Variants in C3 observed in about 807,000 individuals in gnomAD.
C3 encodes complement C3.
A neutral mutation model predicts 207.9 loss-of-function variants in C3; 97 were observed. The observed-to-expected ratio is 0.47, with a 90% CI of 0.40 to 0.55. C3 has a LOEUF of 0.55. Ranked by LOEUF, C3 falls within the 20% of genes least tolerant of loss-of-function variation. The pLI, the probability that C3 is intolerant of heterozygous loss-of-function variation, is 0.00. For synonymous variants in C3, 848 were observed against 857.6 expected (o/e 0.99, Z 0.20); for missense variants, 1,684 against 2,171.7 (o/e 0.78, Z 4.46).
At chr19:6,679,098 C>T (rs746452478) in intron 38 of C3, 27 bp downstream of exon 38, 3 of 1,557,680 alleles carry the variant, frequency 1.9e-6, no homozygotes, top group Admixed American at 1.7e-5. Context: ...GCTAAACATG[C>T]GTGACCCCCA....
intron 17 of C3, among the ~76,000 whole-genome samples, chr19:6,704,988 C>T (rs1481173844): frequency 6.6e-6 from 1 of 152,154 alleles, no homozygotes; most frequent in Non-Finnish European, 1.5e-5. Context: ...ATCCCGCTGC[C>T]TCAGCCTCCC....
In C3 at chr19:6,677,840, T is replaced by G. The variant is rs1222767446; in HGVS notation, c.*42A>C. The stretch of plus-strand genomic sequence containing the variant: ...GGCAAAGAACTCCAGACACGTGAGA[T>G]ATAACTGAAGCTTTATCTGGAGTGG... On this transcript the variant is annotated 3_prime_UTR_variant, in exon 41 of 41. Transcript: ENST00000245907. The G allele has an allele frequency of 3.1e-6, 5 of 1,612,274 alleles. No homozygotes were observed. The South Asian group carries it at 3.3e-5, about 11-fold the overall frequency.
intron 40 of C3, 37 bp downstream of exon 40, chr19:6,678,114 GT>G: frequency 1.9e-6 from 3 of 1,614,118 alleles, no homozygotes; most frequent in Non-Finnish European, 2.5e-6. Flanking sequence ...GGGCGGGGCA[GT>G]CGGGCGGTCG....
rs1918141381 is a variant in C3 at position 6,690,621 on chromosome 19, G to A, written c.3489+8C>T. 3.1e-6 allele frequency: 5 copies of A among 1,609,270 alleles called. No individual in the cohort carries two copies. The East Asian group carries it at 6.7e-5, about 22-fold the overall frequency. ...GTAGGGTAGGGTGGGAAGATGGAGG[G>A]CACTTACGTTGACCTGCTCCTCGCA... On this transcript the variant is annotated splice_region_variant and intron_variant, in intron 27 of 40. Transcript: ENST00000245907.
At chr19:6,709,611 T>TACCCCCCC in intron 14 of C3, 73 bp downstream of exon 14, 1 of 1,109,446 alleles carries the variant, frequency 9.0e-7, no homozygotes, top group Non-Finnish European at 1.4e-6. Context: ...CCCTCTCCAG[T>TACCCCCCC]CCCACCCACC....
chr19:6,681,367 T>C (rs1260790456), intron 35 of C3, among the ~76,000 whole-genome samples: 1 of 114,590 alleles, frequency 8.7e-6, no homozygotes, highest in Non-Finnish European at 1.8e-5. Context: ...AAAAGCTGGG[T>C]ACAAAAGCAT....
chr19:6,681,413 T>C (rs1013404735), intron 35 of C3, among the ~76,000 whole-genome samples: 4 of 148,962 alleles, frequency 2.7e-5, no homozygotes, highest in Non-Finnish European at 4.4e-5. Context: ...GGGTGCAGTG[T>C]CGCAGGCCTG....
chr19:6,714,732 G>A (rs1967997054), intron 4 of C3, among the ~76,000 whole-genome samples: 1 of 152,296 alleles, frequency 6.6e-6, no homozygotes, highest in East Asian at 1.9e-4. Flanking sequence ...CATGGTGGTA[G>A]GCACCCGTAA....
chr19:6,694,383 C>A (rs376178669), intron 24 of C3, 48 bp downstream of exon 24: 6 of 1,549,790 alleles, frequency 3.9e-6, no homozygotes, highest in Non-Finnish European at 5.3e-6. Flanking sequence ...GGGAGGGATG[C>A]GCTCGGAAAG....
Position 6,718,339 on chromosome 19 carries a change from G to A in C3, c.341C>T (p.Thr114Ile), listed in dbSNP as rs552130054. The change falls in exon 3 of 41, where the codon ACC becomes ATC. Residue 114 changes from threonine (T) to isoleucine (I), a missense_variant. Coordinates refer to ENST00000245907, the MANE Select transcript of C3 (RefSeq NM_000064.4). ...CAGCACCACCTTCTCCACCACTTGG[G>A]TCCCGAAGGTGGCCTGCACGGTCAC... The part of the protein sequence containing the change: ...KFVTVQATFG[T>I]QVVEKVVLVS... The A allele has an allele frequency of 1.9e-5, 31 of 1,614,222 alleles. No individual in the cohort carries two copies. In the South Asian group the frequency reaches 3.1e-4, roughly 16 times the overall value.
At chr19:6,689,469 T>C (rs987992589) in intron 27 of C3, among the ~76,000 whole-genome samples, 2 of 151,456 alleles carry the variant, frequency 1.3e-5, no homozygotes, top group Non-Finnish European at 2.9e-5. Context: ...CCATCTCTTT[T>C]CCTAAGGGGG....
At chr19:6,688,610 C>T (rs867951659) in intron 27 of C3, among the ~76,000 whole-genome samples, 2 of 152,142 alleles carry the variant, frequency 1.3e-5, no homozygotes, top group Middle Eastern at 3.4e-3. Flanking sequence ...ACCTCCACCT[C>T]CCTGGTTCAA....
intron 13 of C3, among the ~76,000 whole-genome samples, chr19:6,710,234 GAGGGAGAGAGAGAA>G (rs1279544760): frequency 8.7e-6 from 1 of 114,848 alleles, no homozygotes; most frequent in African/African-American, 3.2e-5. Context: ...GAAGGAGAGA[GAGGGAGAGAGAGAA>G]AGGGAGAGAG....
At chr19:6,709,611 T>TTGC in intron 14 of C3, 73 bp downstream of exon 14, 70 of 1,109,318 alleles carry the variant, frequency 6.3e-5, no homozygotes, top group Non-Finnish European at 7.6e-5. Flanking sequence ...CCCTCTCCAG[T>TTGC]CCCACCCACC....
rs11569404 is a variant in C3, at chr19:6,719,647, C to T, written c.75-244G>A. On this transcript the variant is annotated intron_variant, in intron 1 of 40. Transcript: ENST00000245907. The surrounding 1 kb of genome is among the most constrained non-coding windows in gnomAD (Gnocchi z 5.4). Reference sequence around the variant, plus strand: ...GCCAGCTGGGCCTGGCCTTTGAAAGCCTGGGCAACGAGGGGGCCACACATC... The same window carrying T: ...GCCAGCTGGGCCTGGCCTTTGAAAGTCTGGGCAACGAGGGGGCCACACATC... Among the ~76,000 whole-genome samples the T allele has an allele frequency of 6.9e-6, 1 of 144,294 alleles. No individual in the cohort carries two copies. Among genetic ancestry groups the T allele is most frequent in the Non-Finnish European group, 1.5e-5 (1 of 65,718 alleles). The allele number at this position is 144,294 out of a possible 152,430, so 94.7% of individuals were successfully genotyped here.
At position 6,678,403 on chromosome 19, in the gene C3, G is replaced by A. The variant is rs765432507; in HGVS notation, c.4683C>T (p.Tyr1561=). ...TGATGGTCTGCTCAATGGCCATGATGTACTCGTCAAAGTCATTGGACAGCT... is the reference window on the plus strand; with the variant it reads ...TGATGGTCTGCTCAATGGCCATGATATACTCGTCAAAGTCATTGGACAGCT... ...KVQLSNDFDE[Y]IMAIEQTIKS... The change falls in exon 39 of 41, where the codon TAC becomes TAT. Residue 1561 remains tyrosine, a synonymous_variant. Coordinates refer to ENST00000245907, the MANE Select transcript of C3 (RefSeq NM_000064.4). The A allele has an allele frequency of 1.2e-6, 2 of 1,614,170 alleles. No individual in the cohort carries two copies. Among genetic ancestry groups the A allele is most frequent in the African/African-American group, 1.3e-5 (1 of 75,032 alleles).
At chr19:6,711,808 CCACCTCACAACAATGGGCCTGTCCCAAA>C (rs1967928370) in intron 11 of C3, among the ~76,000 whole-genome samples, 1 of 152,200 alleles carries the variant, frequency 6.6e-6, no homozygotes, top group Non-Finnish European at 1.5e-5. Flanking sequence ...AGAACTGAGA[CCACCTCACAACAATGGGCCTGTCCCAAA>C]CACTACACAA....
At position 6,692,820 on chromosome 19, in the gene C3, G is replaced by A; in HGVS notation, c.3390+104C>T. On this transcript the variant is annotated intron_variant, in intron 26 of 40. Transcript: ENST00000245907. The stretch of plus-strand genomic sequence containing the variant: ...ACCCCCCAGCCCAATCTTTGCAAAG[G>A]GAATTGGGCAGTGGGCACATGGAGG... 7 of 1,376,468 alleles carry A rather than the reference G, an allele frequency of 5.1e-6. No homozygotes were observed. The South Asian group carries it at 8.2e-5, about 16-fold the overall frequency. 85.3% of individuals were successfully genotyped at this position (1,376,468 alleles called of 1,614,324 possible).
intron 29 of C3, 75 bp downstream of exon 29, chr19:6,686,049 T>G: frequency 6.9e-7 from 1 of 1,449,822 alleles, no homozygotes; most frequent in Non-Finnish European, 9.7e-7. Context: ...TGGGCCTCAG[T>G]GTCTTCTCTA....
Sources: allele counts gnomAD v4.1 joint callset (sites outside exome capture counted in the v4.1 genomes callset), GRCh38; gene constraint gnomAD v4.1.1; non-coding constraint Gnocchi (gnomAD v3.1); transcripts MANE v1.5; gene names NCBI Gene and HGNC (gene_info 2026-07-23, HGNC 2026-07-21).